MTX2: variants seen among roughly 807,000 people sequenced by gnomAD.
MTX2 encodes the protein metaxin 2, also known as metaxin-2.
A neutral mutation model predicts 42.3 loss-of-function variants in MTX2; 35 were observed. The observed-to-expected ratio is 0.83, with a 90% CI of 0.63 to 1.10. MTX2 has a LOEUF of 1.10. Among genes scored for constraint, MTX2 ranks in the 50% least tolerant of loss-of-function variants. The probability of loss-of-function intolerance (pLI) is 0.00; values close to 1 mark genes in which losing one functional copy is unlikely to be tolerated. For synonymous variants in MTX2, 119 were observed against 100.9 expected (o/e 1.18, Z -1.08); for missense variants, 307 against 304.1 (o/e 1.01, Z -0.07).
At chr2:176,336,263 G>A (rs901190223) in intron 9 of MTX2, among the ~76,000 whole-genome samples, 1 of 152,064 alleles carries the variant, frequency 6.6e-6, no homozygotes, top group African/African-American at 2.4e-5. Context: ...ATCATTAGTA[G>A]TGGGGTAGAT....
chr2:176,291,029 T>C (rs2105407796), intron 1 of MTX2, among the ~76,000 whole-genome samples: 1 of 152,220 alleles, frequency 6.6e-6, no homozygotes, highest in East Asian at 1.9e-4. Context: ...TCACCATTTA[T>C]GAAAATCTCA....
In MTX2 at chr2:176,337,509, G is replaced by A. The variant is rs866538702; in HGVS notation, c.637G>A (p.Ala213Thr). The change falls in exon 10 of 10, where the codon GCA becomes ACA. Residue 213 changes from alanine to threonine, a missense_variant. By Grantham distance (58) the Ala-to-Thr change is moderately conservative. Coordinates refer to ENST00000249442, the MANE Select transcript of MTX2 (RefSeq NM_006554.5). ...FFNKQPTELD[A>T]LVFGHLYTIL... is the part of the protein sequence containing the mutation. ...TACTTTTAGGCCTACTGAACTTGAC[G>A]CACTGGTATTTGGCCATCTATACAC... 5.6e-6 allele frequency: 9 copies of A among 1,601,562 alleles called. No homozygotes were observed. The highest frequency in any genetic ancestry group is 7.7e-6 in the Non-Finnish European group (9 of 1,174,218).
intron 1 of MTX2, among the ~76,000 whole-genome samples, chr2:176,275,362 T>G (rs7576608): frequency 0.32 from 48,610 of 151,560 alleles, 9,341 homozygotes; most frequent in African/African-American, 0.53. Flanking sequence ...CCTCAGCCTC[T>G]TGAGTAGCTG....
chr2:176,274,928 T>C (rs954063436), intron 1 of MTX2, among the ~76,000 whole-genome samples: 1 of 152,186 alleles, frequency 6.6e-6, no homozygotes, highest in African/African-American at 2.4e-5. Context: ...CTCTCTTCTC[T>C]TCCCAACACC....
chr2:176,306,387 T>C (rs759720614), intron 3 of MTX2, among the ~76,000 whole-genome samples: 4 of 152,222 alleles, frequency 2.6e-5, no homozygotes, highest in African/African-American at 4.8e-5. Flanking sequence ...CATTTGTCTT[T>C]ATAGTAGCAT....
chr2:176,310,466 T>C (rs751819434), intron 3 of MTX2, among the ~76,000 whole-genome samples: 2 of 152,212 alleles, frequency 1.3e-5, no homozygotes, highest in Non-Finnish European at 2.9e-5. Context: ...GCTGGGAAAG[T>C]TCTAGTGGAT....
intron 9 of MTX2, 68 bp downstream of exon 9, chr2:176,330,728 A>G (rs1684844487): frequency 9.5e-7 from 1 of 1,053,544 alleles, no homozygotes; most frequent in Non-Finnish European, 1.4e-6. Flanking sequence ...TTTTTTCATA[A>G]AAGAATTGCT....
At position 176,337,517 on chromosome 2, in the gene MTX2, A is replaced by G. The variant is rs1685022438; in HGVS notation, c.645A>G (p.Val215=). ...GGCCTACTGAACTTGACGCACTGGT[A>G]TTTGGCCATCTATACACCATTCTTA... ...NKQPTELDAL[V]FGHLYTILTT... is the part of the protein sequence containing the mutation. Residue 215 remains valine (V), a synonymous_variant, in exon 10 of 10, where the codon GTA becomes GTG. Coordinates refer to ENST00000249442, the MANE Select transcript of MTX2 (RefSeq NM_006554.5). 1.9e-6 allele frequency: 3 copies of G among 1,608,594 alleles called. No individual in the cohort carries two copies. The highest frequency in any genetic ancestry group is 2.5e-6 in the Non-Finnish European group (3 of 1,177,488).
chr2:176,287,445 A>G (rs1244942906), intron 1 of MTX2, among the ~76,000 whole-genome samples: 1 of 152,204 alleles, frequency 6.6e-6, no homozygotes, highest in African/African-American at 2.4e-5. Flanking sequence ...GGAAATGCTC[A>G]TTGAAGTGTT....
Position 176,269,460 on chromosome 2 carries a change from C to T in MTX2, c.-170C>T, listed in dbSNP as rs1692737994. 6 of 677,678 alleles carry T rather than the reference C, an allele frequency of 8.9e-6. No homozygotes were observed. The highest frequency in any genetic ancestry group is 3.4e-5 in the East Asian group (1 of 29,764). The allele number at this position is 677,678 out of a possible 1,614,324, so 42.0% of individuals were successfully genotyped here. On this transcript the variant is annotated 5_prime_UTR_variant, in exon 1 of 10. Transcript: ENST00000249442. ...GCCGGAAGTCCCTAGCCAGGCCTGG[C>T]GGTAACCTTGGGGGCCTCACTGCAG...
chr2:176,304,534 C>T (rs1684098013), intron 3 of MTX2, among the ~76,000 whole-genome samples: 1 of 151,880 alleles, frequency 6.6e-6, no homozygotes, highest in Non-Finnish European at 1.5e-5. Context: ...TACCTTATTT[C>T]AATTACAGGG....
chr2:176,305,602 A>G (rs1413806708), intron 3 of MTX2, among the ~76,000 whole-genome samples: 1 of 152,110 alleles, frequency 6.6e-6, no homozygotes, highest in Non-Finnish European at 1.5e-5. Context: ...TATTGGTTTT[A>G]TCAGTGCGTT....
At chr2:176,325,426 A>G (rs959311035) in intron 4 of MTX2, among the ~76,000 whole-genome samples, 4 of 151,834 alleles carry the variant, frequency 2.6e-5, no homozygotes, top group African/African-American at 9.6e-5. Flanking sequence ...GTTTGTTTTT[A>G]TATATCTCTT....
intron 3 of MTX2, among the ~76,000 whole-genome samples, chr2:176,313,902 A>G (rs184904189): frequency 1.2e-3 from 190 of 152,252 alleles, no homozygotes; most frequent in Non-Finnish European, 2.2e-3. Flanking sequence ...TGACTCAGCA[A>G]CAGAAAGTAA....
chr2:176,269,726 G>T (rs1040784126), intron 1 of MTX2, 57 bp downstream of exon 1: 6 of 1,546,456 alleles, frequency 3.9e-6, no homozygotes, highest in South Asian at 1.2e-5. Context: ...GGAGCCGCGT[G>T]GGGTACAGGG....
chr2:176,269,563 G>T lies in MTX2; in HGVS notation c.-67G>T. On this transcript the variant is annotated 5_prime_UTR_variant, in exon 1 of 10. Coordinates refer to ENST00000249442, the MANE Select transcript of MTX2 (RefSeq NM_006554.5). ...GCTCGTTAACTGCCGAGAGCCTCCG[G>T]GTTTGCGGTGGAGGACGCTGAGGCC... 6.6e-7 allele frequency: 1 copy of T among 1,511,750 alleles called. No homozygotes were observed. Among genetic ancestry groups the T allele is most frequent in the East Asian group, 2.5e-5 (1 of 40,100 alleles). The allele number at this position is 1,511,750 out of a possible 1,614,324, so 93.6% of individuals were successfully genotyped here. A position where few individuals can be genotyped will look rare whatever the true frequency, so the allele number is the denominator to read the frequency against.
At chr2:176,305,198 A>G (rs1168578168) in intron 3 of MTX2, among the ~76,000 whole-genome samples, 1 of 152,048 alleles carries the variant, frequency 6.6e-6, no homozygotes, top group Non-Finnish European at 1.5e-5. Context: ...AAGTGTTTCA[A>G]TATTGAGTTA....
chr2:176,293,065 G>A (rs2105409678), intron 1 of MTX2, among the ~76,000 whole-genome samples: 1 of 152,156 alleles, frequency 6.6e-6, no homozygotes, highest in Non-Finnish European at 1.5e-5. Context: ...GTTTAATTTT[G>A]TGTAGCCCAA....
chr2:176,328,298 TTC>T lies in MTX2; in HGVS notation c.295_296del (p.Leu99Ter), dbSNP rs768727228. ...IVQFVKAKGH[S>X]LSDGLEEVQK... ...TTTTTTTAAATTCCCTTTAGGGCCA[TTC>T]TCTTAGTGATGGGCTGGAGGAAGTC... is the stretch of plus-strand genomic sequence containing the variant. On this transcript the variant is annotated frameshift_variant, in exon 6 of 10. Transcript: ENST00000249442. LOFTEE classifies it high-confidence loss of function. 1.3e-6 allele frequency: 2 copies of T among 1,561,742 alleles called. No individual in the cohort carries two copies. The highest frequency in any genetic ancestry group is 1.7e-6 in the Non-Finnish European group (2 of 1,158,118).
Sources: allele counts gnomAD v4.1 joint callset (sites outside exome capture counted in the v4.1 genomes callset), GRCh38; gene constraint gnomAD v4.1.1; transcripts MANE v1.5; gene names NCBI Gene and HGNC (gene_info 2026-07-23, HGNC 2026-07-21).